Variants in CEP112 observed in about 807,000 individuals in gnomAD.
CEP112 encodes centrosomal protein of 112 kDa.
In CEP112, 127 loss-of-function variants were observed where a neutral mutation model predicts 153.0. The observed-to-expected ratio is 0.83, with a 90% CI of 0.72 to 0.96. The LOEUF (loss-of-function observed/expected upper bound fraction) is 0.96, where lower values mean the gene tolerates loss of function less well. Ranked by LOEUF, CEP112 falls within the 40% of genes least tolerant of loss-of-function variation. CEP112 has a pLI of 0.00. For synonymous variants in CEP112, 358 were observed against 374.4 expected, an observed-to-expected ratio of 0.96 and a Z score of 0.51; for missense variants, 1,089 against 1,101.2, an observed-to-expected ratio of 0.99 and a Z score of 0.16.
At chr17:66,073,092 A>T (rs902120254) in intron 8 of CEP112, among the ~76,000 whole-genome samples, 1 of 152,214 alleles carries the variant, frequency 6.6e-6, no homozygotes, top group Admixed American at 6.5e-5. Flanking sequence ...CAGAATATAC[A>T]TTATCAATTT....
intron 1 of CEP112, among the ~76,000 whole-genome samples, chr17:66,184,354 A>G (rs554257014): frequency 5.9e-5 from 9 of 152,334 alleles, no homozygotes; most frequent in African/African-American, 2.2e-4. Flanking sequence ...GCCACAGACC[A>G]GAACAAAATA....
intron 21 of CEP112, among the ~76,000 whole-genome samples, chr17:65,846,684 T>C (rs960040695): frequency 3.3e-5 from 5 of 152,252 alleles, no homozygotes; most frequent in Non-Finnish European, 7.3e-5. Context: ...TTCTCTTGCC[T>C]CAGCTTCCCG....
intron 17 of CEP112, among the ~76,000 whole-genome samples, chr17:65,962,627 T>G (rs143560249): frequency 1.5e-4 from 23 of 152,302 alleles, no homozygotes; most frequent in Non-Finnish European, 2.9e-4. Flanking sequence ...CCCACCCACA[T>G]CTAATCTTGT....
chr17:66,031,483 T>A (rs61634652), intron 12 of CEP112, among the ~76,000 whole-genome samples: 1 of 101,908 alleles, frequency 9.8e-6, no homozygotes, highest in Non-Finnish European at 1.9e-5. Flanking sequence ...GTTTTTTTTT[T>A]TTGTTTTTTT....
At chr17:65,642,323 T>C (rs753039603) in intron 24 of CEP112, among the ~76,000 whole-genome samples, 17 of 152,148 alleles carry the variant, frequency 1.1e-4, no homozygotes, top group African/African-American at 2.9e-4. Flanking sequence ...ACTATGAAAA[T>C]TGTGTACGAC....
At chr17:65,954,284 T>A (rs1341848200) in intron 18 of CEP112, among the ~76,000 whole-genome samples, 1 of 152,142 alleles carries the variant, frequency 6.6e-6, no homozygotes, top group East Asian at 1.9e-4. Flanking sequence ...TTAGGAAGCC[T>A]CATTCCTAGG....
intron 8 of CEP112, among the ~76,000 whole-genome samples, chr17:66,087,754 G>A (rs2067993501): frequency 6.6e-6 from 1 of 152,154 alleles, no homozygotes; most frequent in African/African-American, 2.4e-5. Flanking sequence ...AGAAGTCCGA[G>A]GCTGCAGGTT....
chr17:65,636,114 A>T, intron 26 of CEP112, 140 bp from the exon 27 acceptor site: 1 of 786,326 alleles, frequency 1.3e-6, no homozygotes, highest in Non-Finnish European at 2.1e-6. Context: ...ATGCTTATCT[A>T]TAAGGGATCA....
chr17:66,149,579 G>A (rs1050843648), intron 4 of CEP112, among the ~76,000 whole-genome samples: 1 of 151,958 alleles, frequency 6.6e-6, no homozygotes, highest in African/African-American at 2.4e-5. Context: ...TGAGAAATTT[G>A]TTCATTTCAC....
chr17:65,696,931 G>A (rs376053662), intron 23 of CEP112, among the ~76,000 whole-genome samples: 3 of 152,170 alleles, frequency 2.0e-5, no homozygotes, highest in Admixed American at 1.3e-4. Context: ...ACTCAGTGGG[G>A]AGGAGGGATG....
At chr17:65,859,707 A>G (rs1328682248) in intron 20 of CEP112, among the ~76,000 whole-genome samples, 2 of 146,770 alleles carry the variant, frequency 1.4e-5, no homozygotes, top group East Asian at 4.0e-4. Flanking sequence ...GTATGACAAG[A>G]ACATAAAAAA....
rs2068699982 is a variant in CEP112, at chr17:66,104,559, G to C, written c.643-7927C>G. ...GATCCCGCACATTCCCAGATGTGGT[G>C]TCTAGGGGAAGAAATCCCCTCAGCT... On this transcript the variant is annotated intron_variant, in intron 6 of 26. Coordinates refer to ENST00000535342, the MANE Select transcript of CEP112 (RefSeq NM_001199165.4). Among the ~76,000 whole-genome samples, 6 of 152,278 alleles carry C rather than the reference G, an allele frequency of 3.9e-5. 1 individual carries two copies. In the Middle Eastern group the frequency reaches 0.014, roughly 348 times the overall value.
chr17:66,143,533 T>C (rs1017982331), intron 4 of CEP112, among the ~76,000 whole-genome samples: 9 of 152,234 alleles, frequency 5.9e-5, no homozygotes, highest in African/African-American at 9.6e-5. Context: ...TCCTGATTCC[T>C]GGACCAAAAC....
At chr17:65,815,086 TGAA>T (rs1052194587) in intron 21 of CEP112, among the ~76,000 whole-genome samples, 20 of 152,238 alleles carry the variant, frequency 1.3e-4, no homozygotes, top group African/African-American at 4.8e-4. Context: ...TGAGTCCAAT[TGAA>T]GAAATGTTTG....
At chr17:65,677,903 A>G (rs988215407) in intron 24 of CEP112, among the ~76,000 whole-genome samples, 5 of 152,124 alleles carry the variant, frequency 3.3e-5, no homozygotes, top group African/African-American at 1.2e-4. Context: ...ACAGAACAAG[A>G]CCTTTATCTC....
At chr17:66,122,882 GTTAA>G (rs1422741926) in intron 6 of CEP112, among the ~76,000 whole-genome samples, 1 of 152,166 alleles carries the variant, frequency 6.6e-6, no homozygotes, top group Non-Finnish European at 1.5e-5. Flanking sequence ...GCTTACTGCT[GTTAA>G]TTAGTAGGAA....
intron 23 of CEP112, among the ~76,000 whole-genome samples, chr17:65,717,376 A>G (rs62063587): frequency 0.012 from 1,799 of 152,332 alleles, 19 homozygotes; most frequent in African/African-American, 0.02. Context: ...CCCAGAAGAG[A>G]GAAGATTCCG....
Position 65,689,179 on chromosome 17 carries a change from G to A in CEP112, c.2647C>T (p.Arg883Ter), listed in dbSNP as rs199676823. Residue 883 changes from arginine (R) to a stop codon, truncating the protein, a stop_gained, in exon 24 of 27, where the codon CGA (arginine) becomes TGA (stop). Transcript: ENST00000535342. LOFTEE classifies it high-confidence loss of function. ...TGTTGTAATTTTTTCTCTGCACATC[G>A]CACCTGATTAGAACGGTTTTCTAAT... ...DELENRSNQV[R>*]CAEKKLQHKE... 262 of 1,613,122 alleles carry A rather than the reference G, an allele frequency of 1.6e-4. 1 individual carries two copies. The highest frequency in any genetic ancestry group is 2.0e-4 in the South Asian group (18 of 91,050).
intron 12 of CEP112, among the ~76,000 whole-genome samples, chr17:66,045,960 CAT>C (rs1369786105): frequency 6.6e-6 from 1 of 152,200 alleles, no homozygotes; most frequent in East Asian, 1.9e-4. Context: ...CTACATGACA[CAT>C]GATACCACAA....
Sources: gnomAD v4.1 joint callset for allele counts (sites outside exome capture counted in the v4.1 genomes callset) on GRCh38, gnomAD v4.1.1 for gene constraint, MANE v1.5 for transcripts, NCBI Gene and HGNC (gene_info 2026-07-23, HGNC 2026-07-21) for gene names.